Variants in ITGBL1 observed in about 807,000 individuals in gnomAD.
ITGBL1 encodes integrin beta-like protein 1.
In ITGBL1, 51 loss-of-function variants were observed where a neutral mutation model predicts 68.5. The observed-to-expected ratio is 0.74, with a 90% CI of 0.59 to 0.94. The LOEUF (loss-of-function observed/expected upper bound fraction) is 0.94. ITGBL1 is among the 40% of genes least tolerant of loss of function. The pLI, the probability that ITGBL1 is intolerant of heterozygous loss-of-function variation, is 0.00. For synonymous variants in ITGBL1, 209 were observed against 227.3 expected, an observed-to-expected ratio of 0.92 and a Z score of 0.72; for missense variants, 649 against 647.4, an observed-to-expected ratio of 1.00 and a Z score of -0.03.
At chr13:101,624,697 C>G (rs1460517475) in intron 7 of ITGBL1, among the ~76,000 whole-genome samples, 1 of 152,138 alleles carries the variant, frequency 6.6e-6, no homozygotes, top group Non-Finnish European at 1.5e-5. Context: ...ATTTCCTCTC[C>G]CTTCAAATTC....
chr13:101,542,405 A>G (rs1176859890), intron 2 of ITGBL1, among the ~76,000 whole-genome samples: 1 of 152,138 alleles, frequency 6.6e-6, no homozygotes, highest in African/African-American at 2.4e-5. Flanking sequence ...GTTTAATTGC[A>G]CTGTGGTCTG....
At chr13:101,455,819 G>A (rs2048236140) in intron 2 of ITGBL1, among the ~76,000 whole-genome samples, 1 of 152,116 alleles carries the variant, frequency 6.6e-6, no homozygotes. Context: ...CTGTTACTTG[G>A]CTTCTCTGAC....
At chr13:101,572,223 T>A (rs2050285301) in intron 3 of ITGBL1, among the ~76,000 whole-genome samples, 1 of 152,164 alleles carries the variant, frequency 6.6e-6, no homozygotes, top group Non-Finnish European at 1.5e-5. Context: ...GAAGTCTCTC[T>A]ATTAATCCTT....
intron 7 of ITGBL1, among the ~76,000 whole-genome samples, chr13:101,673,947 A>G (rs1315155831): frequency 6.6e-6 from 1 of 152,222 alleles, no homozygotes; most frequent in Non-Finnish European, 1.5e-5. Context: ...CTGATGGATG[A>G]TGAAAATCTA....
intron 2 of ITGBL1, among the ~76,000 whole-genome samples, chr13:101,524,439 C>A (rs1433984198): frequency 6.7e-6 from 1 of 149,378 alleles, no homozygotes; most frequent in Non-Finnish European, 1.5e-5. Flanking sequence ...AAAATGACAC[C>A]AGGGCTTTAT....
At chr13:101,606,654 A>G (rs1040750676) in intron 7 of ITGBL1, among the ~76,000 whole-genome samples, 3 of 152,038 alleles carry the variant, frequency 2.0e-5, no homozygotes, top group Non-Finnish European at 4.4e-5. Flanking sequence ...AGCAGAAGCT[A>G]TAAGAAGCAG....
chr13:101,510,645 C>T (rs912324937), intron 2 of ITGBL1, among the ~76,000 whole-genome samples: 1 of 152,066 alleles, frequency 6.6e-6, no homozygotes, highest in Non-Finnish European at 1.5e-5. Context: ...TTCCTGCCAG[C>T]CTTGCCAGCA....
intron 2 of ITGBL1, among the ~76,000 whole-genome samples, chr13:101,564,566 A>G (rs1463896759): frequency 1.3e-5 from 2 of 150,290 alleles, no homozygotes; most frequent in African/African-American, 4.9e-5. Context: ...ATATATAACA[A>G]TTTATGTACA....
chr13:101,475,537 A>G (rs2048523152), intron 2 of ITGBL1, among the ~76,000 whole-genome samples: 1 of 152,168 alleles, frequency 6.6e-6, no homozygotes, highest in South Asian at 2.1e-4. Flanking sequence ...AGAAATTTCC[A>G]AACCTAGAGA....
intron 4 of ITGBL1, among the ~76,000 whole-genome samples, chr13:101,577,700 A>T (rs2050386485): frequency 1.3e-5 from 2 of 152,172 alleles, no homozygotes; most frequent in African/African-American, 4.8e-5. Context: ...GGGTCGTACA[A>T]ACCTGACTCC....
chr13:101,626,265 C>T (rs1445094633), intron 7 of ITGBL1, among the ~76,000 whole-genome samples: 1 of 152,172 alleles, frequency 6.6e-6, no homozygotes, highest in Non-Finnish European at 1.5e-5. Context: ...AGATCACTAC[C>T]ACCCATGGAT....
intron 7 of ITGBL1, among the ~76,000 whole-genome samples, chr13:101,689,560 A>G (rs563584432): frequency 6.6e-6 from 1 of 152,092 alleles, no homozygotes; most frequent in South Asian, 2.1e-4. Context: ...AGCCGAGATC[A>G]TGCCACTGCA....
chr13:101,543,348 T>G (rs971675073), intron 2 of ITGBL1, among the ~76,000 whole-genome samples: 1 of 152,226 alleles, frequency 6.6e-6, no homozygotes, highest in African/African-American at 2.4e-5. Flanking sequence ...AAATTCTGGG[T>G]TGAAAATTCT....
chr13:101,707,917 A>T (rs1169931019), intron 9 of ITGBL1, among the ~76,000 whole-genome samples: 1 of 151,950 alleles, frequency 6.6e-6, no homozygotes, highest in African/African-American at 2.4e-5. Context: ...AAATGGTTAT[A>T]ACCTACAAGT....
At chr13:101,533,275 A>G (rs1303599614) in intron 2 of ITGBL1, among the ~76,000 whole-genome samples, 1 of 152,210 alleles carries the variant, frequency 6.6e-6, no homozygotes, top group Non-Finnish European at 1.5e-5. Context: ...CTCTGCTAGT[A>G]TAGCTTACTG....
intron 8 of ITGBL1, among the ~76,000 whole-genome samples, chr13:101,702,612 A>C (rs552913437): frequency 6.6e-6 from 1 of 152,326 alleles, no homozygotes; most frequent in East Asian, 1.9e-4. Context: ...AAAAAAAGAC[A>C]GAATATTTTT....
chr13:101,634,438 C>A (rs1042236284), intron 7 of ITGBL1, among the ~76,000 whole-genome samples: 23 of 152,142 alleles, frequency 1.5e-4, no homozygotes, highest in African/African-American at 5.3e-4. Context: ...GCCTTGATAT[C>A]CAAGTTTTGT....
intron 2 of ITGBL1, among the ~76,000 whole-genome samples, chr13:101,544,838 T>C (rs185885134): frequency 6.9e-4 from 105 of 152,316 alleles, no homozygotes; most frequent in African/African-American, 2.4e-3. Flanking sequence ...TCCATGGTCA[T>C]AGGACCCTCC....
chr13:101,513,237 A>G (rs1335427153), intron 2 of ITGBL1, among the ~76,000 whole-genome samples: 3 of 152,064 alleles, frequency 2.0e-5, no homozygotes, highest in Non-Finnish European at 4.4e-5. Flanking sequence ...AAAAATAAAA[A>G]TGAAAAAGTG....
Sources: allele counts gnomAD v4.1 joint callset (sites outside exome capture counted in the v4.1 genomes callset), GRCh38; gene constraint gnomAD v4.1.1; transcripts MANE v1.5; gene names NCBI Gene and HGNC (gene_info 2026-07-23, HGNC 2026-07-21).